Variants in KIDINS220 observed in about 807,000 individuals in gnomAD.
KIDINS220 encodes kinase D-interacting substrate of 220 kDa.
A neutral mutation model predicts 157.6 loss-of-function variants in KIDINS220; 63 were observed. The observed-to-expected ratio is 0.40, with a 90% CI of 0.33 to 0.49. KIDINS220 has a LOEUF of 0.49. Among genes scored for constraint, KIDINS220 ranks in the 20% least tolerant of loss-of-function variants. The probability of loss-of-function intolerance (pLI) is 0.66; values close to 1 mark genes in which losing one functional copy is unlikely to be tolerated. For synonymous variants in KIDINS220, 732 were observed against 783.6 expected (o/e 0.93, Z 1.10); for missense variants, 1,772 against 2,171.2 (o/e 0.82, Z 3.65).
intron 24 of KIDINS220, chr2:8,749,536 G>T: frequency 2.7e-6 from 1 of 368,932 alleles, no homozygotes; most frequent in Non-Finnish European, 5.3e-6. Flanking sequence ...TTTTCATCTG[G>T]GAAATTATCC....
At chr2:8,825,310 T>C (rs902011574) in intron 2 of KIDINS220, among the ~76,000 whole-genome samples, 6 of 139,090 alleles carry the variant, frequency 4.3e-5, no homozygotes, top group African/African-American at 1.6e-4. Context: ...GGGGCGGAGG[T>C]TGCAGTGAGC....
intron 11 of KIDINS220, among the ~76,000 whole-genome samples, chr2:8,794,896 T>C (rs1168817461): frequency 6.6e-6 from 1 of 152,180 alleles, no homozygotes; most frequent in African/African-American, 2.4e-5. Flanking sequence ...TCCTCTCATG[T>C]CCTAAAAAAT....
At chr2:8,726,894 T>C (rs1317199300), downstream of KIDINS220, 1 of 1,288,466 alleles carries the variant, frequency 7.8e-7, no homozygotes, top group Middle Eastern at 2.1e-4. Context: ...TACCTTAGTT[T>C]AATCTGGATC....
At chr2:8,788,869 T>TGGAGAAAAGA in intron 14 of KIDINS220, 57 bp from the exon 15 acceptor site, 1 of 1,491,674 alleles carries the variant, frequency 6.7e-7, no homozygotes, top group Non-Finnish European at 9.2e-7. Flanking sequence ...AGCAGATCTT[T>TGGAGAAAAGA]TCTCCAAAGA....
intron 22 of KIDINS220, chr2:8,757,833 A>C: frequency 6.9e-7 from 1 of 1,444,214 alleles, no homozygotes; most frequent in Non-Finnish European, 9.6e-7. Flanking sequence ...GTCCTCCTAA[A>C]TCCTGGACTT....
chr2:8,774,043 T>C (rs921505591), intron 21 of KIDINS220, among the ~76,000 whole-genome samples: 3 of 152,110 alleles, frequency 2.0e-5, no homozygotes, highest in Admixed American at 6.5e-5. Context: ...TAGTGGCTCA[T>C]GCCTGTAATC....
chr2:8,738,993 A>T (rs1317989539), intron 26 of KIDINS220, among the ~76,000 whole-genome samples: 1 of 152,226 alleles, frequency 6.6e-6, no homozygotes, highest in African/African-American at 2.4e-5. Flanking sequence ...CGATTGTGCT[A>T]AAAACGACAA....
At chr2:8,765,155 C>A (rs931212219) in intron 22 of KIDINS220, among the ~76,000 whole-genome samples, 1 of 152,172 alleles carries the variant, frequency 6.6e-6, no homozygotes, top group African/African-American at 2.4e-5. Flanking sequence ...CGGAGCCAGG[C>A]TGAGGACACT....
intron 1 of KIDINS220, among the ~76,000 whole-genome samples, chr2:8,831,087 C>T (rs1467756571): frequency 6.6e-6 from 1 of 152,204 alleles, no homozygotes; most frequent in African/African-American, 2.4e-5. Context: ...GTTGGGAGGA[C>T]AGATGACAGC....
chr2:8,788,923 G>A (rs1558425351), intron 14 of KIDINS220, 111 bp from the exon 15 acceptor site: 2 of 862,346 alleles, frequency 2.3e-6, no homozygotes, highest in South Asian at 1.7e-5. Flanking sequence ...AGCTTCCTAT[G>A]GTCCCATACT....
chr2:8,728,846 T>C (rs754308957), downstream of KIDINS220: 474 of 984,912 alleles, frequency 4.8e-4, 2 homozygotes, highest in Non-Finnish European at 5.3e-4. Context: ...ACTTCAGACA[T>C]GTGACAAAAC....
rs575056897 is a variant in KIDINS220 at position 8,757,771 on chromosome 2, T to C, written c.3012-6127A>G. On this transcript the variant is annotated intron_variant, in intron 22 of 29. Coordinates refer to ENST00000256707, the MANE Select transcript of KIDINS220 (RefSeq NM_020738.4). The stretch of plus-strand genomic sequence containing the variant: ...ATGCCAATTCGGTCTCGGTCACAAC[T>C]GTCTGCTCCACAGCATCTGTGTTTG... The C allele has an allele frequency of 3.5e-5, 56 of 1,611,190 alleles. No individual in the cohort carries two copies. In the South Asian group the frequency reaches 5.9e-4, roughly 17 times the overall value.
At chr2:8,762,745 A>G (rs899441233) in intron 22 of KIDINS220, among the ~76,000 whole-genome samples, 3 of 152,218 alleles carry the variant, frequency 2.0e-5, no homozygotes, top group African/African-American at 7.2e-5. Flanking sequence ...TCTCAAAGAA[A>G]AACAAAAAAG....
rs200108497 is a variant in KIDINS220 at position 8,788,307 on chromosome 2, C to T, written c.1787+340G>A. Among the ~76,000 whole-genome samples, 97 of 150,180 alleles carry T rather than the reference C, an allele frequency of 6.5e-4. 1 individual carries two copies. Among genetic ancestry groups the T allele is most frequent in the South Asian group, 2.9e-3 (14 of 4,764 alleles). On this transcript the variant is annotated intron_variant, in intron 15 of 29. Transcript: ENST00000256707. ...TTTTGAGACAGAGTTTCGTTCTTGT[C>T]GCCCAGGCTGGAGTGCAATGGCGCG...
chr2:8,792,408 A>C (rs762632367), intron 12 of KIDINS220, among the ~76,000 whole-genome samples: 1 of 152,220 alleles, frequency 6.6e-6, no homozygotes, highest in Non-Finnish European at 1.5e-5. Context: ...TTTTTTTAAA[A>C]TATTAAAAAC....
intron 2 of KIDINS220, among the ~76,000 whole-genome samples, chr2:8,822,207 T>C (rs1678072600): frequency 6.6e-6 from 1 of 152,260 alleles, no homozygotes; most frequent in Non-Finnish European, 1.5e-5. Context: ...CTTATTTAAG[T>C]GTATGAGACC....
intron 2 of KIDINS220, among the ~76,000 whole-genome samples, chr2:8,821,555 A>C (rs1351719500): frequency 6.6e-6 from 1 of 152,248 alleles, no homozygotes; most frequent in Non-Finnish European, 1.5e-5. Context: ...CTGGCCAGAA[A>C]GAAAGGAGCC....
At chr2:8,833,531 G>C (rs538618287) in intron 1 of KIDINS220, among the ~76,000 whole-genome samples, 6 of 133,570 alleles carry the variant, frequency 4.5e-5, no homozygotes, top group African/African-American at 1.7e-4. Context: ...ATATTTACCT[G>C]ATTAATAGCT....
rs769188960 is a variant in KIDINS220, at chr2:8,747,996, A to G, written c.3419T>C (p.Phe1140Ser). The G allele has an allele frequency of 1.3e-6, 2 of 1,550,020 alleles. No individual in the cohort carries two copies. The highest frequency in any genetic ancestry group is 1.7e-6 in the Non-Finnish European group (2 of 1,149,896). Residue 1140 changes from phenylalanine to serine, a missense_variant, in exon 25 of 30, where the codon TTC becomes TCC. Around this residue, in one of 3 missense-constraint regions of KIDINS220, gnomAD observed 793 missense variants for 885.5 expected, o/e 0.90. Coordinates refer to ENST00000256707, the MANE Select transcript of KIDINS220 (RefSeq NM_020738.4). ...GPQHPFYNRP[F>S]FAPYLYTPRY... ...TGGCGTGTAAAGGTATGGGGCAAAG[A>G]ATGGCTATGGAAAAACATGTAACAA...
Sources: gnomAD v4.1 joint callset for allele counts (sites outside exome capture counted in the v4.1 genomes callset) on GRCh38, gnomAD v4.1.1 for gene constraint, gnomAD v4.1.1 regional missense constraint, MANE v1.5 for transcripts, NCBI Gene and HGNC (gene_info 2026-07-23, HGNC 2026-07-21) for gene names.